Variants in ZNHIT6 observed in about 807,000 individuals in gnomAD.
ZNHIT6 encodes box C/D snoRNA protein 1.
ZNHIT6 carries 45 observed loss-of-function variants against 57.2 expected under a neutral mutation model. That is an observed-to-expected ratio of 0.79 (90% CI 0.62 to 1.01). ZNHIT6 has a LOEUF of 1.01. Ranked by LOEUF, ZNHIT6 falls within the 50% of genes least tolerant of loss-of-function variation. The pLI is 0.00. For synonymous variants in ZNHIT6, 188 were observed against 190.0 expected, an observed-to-expected ratio of 0.99 and a Z score of 0.09; for missense variants, 528 against 567.3, an observed-to-expected ratio of 0.93 and a Z score of 0.70.
intron 7 of ZNHIT6, 128 bp downstream of exon 7, chr1:85,678,573 A>G (rs1661772098): frequency 1.6e-6 from 1 of 636,282 alleles, no homozygotes; most frequent in Non-Finnish European, 2.7e-6. Context: ...GACCTTCAGT[A>G]AACACCAAGA....
chr1:85,657,785 C>T (rs942183466), intron 9 of ZNHIT6, 62 bp downstream of exon 9: 4 of 1,477,618 alleles, frequency 2.7e-6, no homozygotes, highest in Non-Finnish European at 3.7e-6. Flanking sequence ...TAAGGGTGGA[C>T]ATATTTTGCT....
chr1:85,681,301 C>CA (rs1185544454), intron 5 of ZNHIT6, among the ~76,000 whole-genome samples: 3 of 152,180 alleles, frequency 2.0e-5, no homozygotes, highest in African/African-American at 7.2e-5. Context: ...ACTTCTGAGG[C>CA]ATGAGTACGT....
intron 8 of ZNHIT6, among the ~76,000 whole-genome samples, chr1:85,666,134 T>G (rs930864575): frequency 6.6e-6 from 1 of 152,150 alleles, no homozygotes; most frequent in African/African-American, 2.4e-5. Flanking sequence ...AGGAATTTAC[T>G]AGAGGTGAAA....
In ZNHIT6 at chr1:85,653,382, TC is replaced by T. The variant is rs1377731498; in HGVS notation, c.*675del. ...GCTAGACGGTGCGTTGTACAGCCTT[TC>T]CGTTTAGTGAGGTTCTACTAAAGGG... is the stretch of plus-strand genomic sequence containing the variant. On this transcript the variant is annotated 3_prime_UTR_variant, in exon 10 of 10. Transcript: ENST00000370574. 1 of 152,182 alleles carries T rather than the reference TC, an allele frequency of 6.6e-6. No individual in the cohort carries two copies. Among genetic ancestry groups the T allele is most frequent in the African/African-American group, 2.4e-5 (1 of 41,450 alleles). 9.4% of individuals were successfully genotyped at this position (152,182 alleles called of 1,614,324 possible). A position where few individuals can be genotyped will look rare whatever the true frequency, so the allele number is the denominator to read the frequency against.
chr1:85,656,225 G>A (rs576049679), intron 9 of ZNHIT6, among the ~76,000 whole-genome samples: 1 of 152,258 alleles, frequency 6.6e-6, no homozygotes, highest in South Asian at 2.1e-4. Flanking sequence ...GTGTACTTAC[G>A]ATGTGACAAA....
chr1:85,657,660 C>T (rs189434734), intron 9 of ZNHIT6, among the ~76,000 whole-genome samples, 187 bp downstream of exon 9: 12 of 152,136 alleles, frequency 7.9e-5, no homozygotes, highest in East Asian at 7.7e-4. Context: ...TAAGATTATA[C>T]GCTCTTAGAA....
rs139368369 is a variant in ZNHIT6, at chr1:85,657,847, C to A, written c.1372G>T (p.Val458Leu). 2.5e-5 allele frequency: 40 copies of A among 1,605,016 alleles called. No individual in the cohort carries two copies. Among genetic ancestry groups the A allele is most frequent in the Non-Finnish European group, 3.1e-5 (37 of 1,177,090 alleles). Residue 458 changes from valine to leucine, a missense_variant and splice_region_variant, in exon 9 of 10, where the codon GTG (valine) becomes TTG (leucine). Val to Leu is a conservative substitution (Grantham distance 32). Coordinates refer to ENST00000370574, the MANE Select transcript of ZNHIT6 (RefSeq NM_017953.4). ...ATTACAGAAACAAATTTACACTTAC[C>A]TTGGTGAAGAACTTTCATGTCATTA... ...SNNDMKVLHQVKSESTKNVGN... is the reference protein window; with the variant it reads ...SNNDMKVLHQLKSESTKNVGN...
In ZNHIT6 at chr1:85,706,526, A is replaced by G; in HGVS notation, c.657-19T>C. The stretch of plus-strand genomic sequence containing the variant: ...CTCACACCTACAAAAGCCCACATGT[A>G]ACATTAAATTATCAAATATTAATTG... On this transcript the variant is annotated intron_variant, in intron 1 of 9. Transcript: ENST00000370574. 5 of 1,526,362 alleles carry G rather than the reference A, an allele frequency of 3.3e-6. No homozygotes were observed. The highest frequency in any genetic ancestry group is 4.4e-6 in the Non-Finnish European group (5 of 1,143,382). 94.6% of individuals were successfully genotyped at this position (1,526,362 alleles called of 1,614,324 possible). A position where few individuals can be genotyped will look rare whatever the true frequency, so the allele number is the denominator to read the frequency against.
intron 9 of ZNHIT6, 88 bp from the exon 10 acceptor site, chr1:85,654,186 T>C: frequency 8.6e-7 from 1 of 1,164,226 alleles, no homozygotes; most frequent in Non-Finnish European, 1.2e-6. Flanking sequence ...CCTTCTGATG[T>C]ACAGCAAAAG....
Position 85,708,081 on chromosome 1 carries a change from T to C in ZNHIT6, c.204A>G (p.Pro68=). 1 of 1,614,164 alleles carries C rather than the reference T, an allele frequency of 6.2e-7. No individual in the cohort carries two copies. The highest frequency in any genetic ancestry group is 8.5e-7 in the Non-Finnish European group (1 of 1,180,032). Residue 68 remains proline, a synonymous_variant, in exon 1 of 10, where the codon CCA becomes CCG. Transcript: ENST00000370574. ...GDGEEGSGQR[P]EEIPMDLTVV... Reference sequence around the variant, plus strand: ...CCGTTAGGTCCATCGGTATTTCCTCTGGCCTTTGTCCACTTCCTTCCTCTC... The same window carrying C: ...CCGTTAGGTCCATCGGTATTTCCTCCGGCCTTTGTCCACTTCCTTCCTCTC...
In ZNHIT6 at chr1:85,707,711, C is replaced by A. The variant is rs767801732; in HGVS notation, c.574G>T (p.Glu192Ter). The change falls in exon 1 of 10, where the codon GAA (glutamate) becomes TAA (stop). Residue 192 changes from glutamate to a stop codon, truncating the protein, a stop_gained. Transcript: ENST00000370574. LOFTEE classifies it high-confidence loss of function. The part of the protein sequence containing the change: ...VKEEKDFLKK[E>*]IVDDTKVKEE... ...TTCACCTTTGTATCATCCACGATTT[C>A]TTTCTTCAGGAAATCCTTCTCTTCT... is the stretch of plus-strand genomic sequence containing the variant. The A allele has an allele frequency of 1.9e-6, 3 of 1,610,874 alleles. No homozygotes were observed. Among genetic ancestry groups the A allele is most frequent in the Non-Finnish European group, 2.5e-6 (3 of 1,178,850 alleles).
At chr1:85,704,544 A>G (rs1033606606) in intron 4 of ZNHIT6, among the ~76,000 whole-genome samples, 7 of 152,184 alleles carry the variant, frequency 4.6e-5, no homozygotes, top group Non-Finnish European at 1.0e-4. Context: ...TTCATTTTAT[A>G]ATTATTCATT....
rs1457264017 is a variant in ZNHIT6 at position 85,677,284 on chromosome 1, CCA to C, written c.1197_1198del (p.Val401SerfsTer7). On this transcript the variant is annotated frameshift_variant, in exon 8 of 10. Transcript: ENST00000370574. LOFTEE classifies it high-confidence loss of function. Reference sequence around the variant, plus strand: ...TTCAATCTTCATTAAAATCTGAACCCCAGTCTGAGAGCGAATGTAGGCTTTCA... The same window carrying C: ...TTCAATCTTCATTAAAATCTGAACCCGTCTGAGAGCGAATGTAGGCTTTCA... The C allele has an allele frequency of 1.9e-6, 3 of 1,608,250 alleles. No individual in the cohort carries two copies. Among genetic ancestry groups the C allele is most frequent in the Non-Finnish European group, 2.5e-6 (3 of 1,178,282 alleles).
chr1:85,691,271 A>T (rs1662211302), intron 5 of ZNHIT6, among the ~76,000 whole-genome samples: 1 of 152,258 alleles, frequency 6.6e-6, no homozygotes, highest in Non-Finnish European at 1.5e-5. Context: ...AGAAATATTA[A>T]CTATATTGTG....
At chr1:85,665,255 A>G (rs1661338139) in intron 8 of ZNHIT6, among the ~76,000 whole-genome samples, 1 of 152,048 alleles carries the variant, frequency 6.6e-6, no homozygotes, top group Non-Finnish European at 1.5e-5. Context: ...ATTGACAAAT[A>G]GGAATTATAT....
At chr1:85,681,748 TTC>T (rs1570310755) in intron 5 of ZNHIT6, among the ~76,000 whole-genome samples, 1 of 152,184 alleles carries the variant, frequency 6.6e-6, no homozygotes, top group Non-Finnish European at 1.5e-5. Flanking sequence ...TTAGTAGAAT[TTC>T]TGTCAGAAGA....
chr1:85,689,223 A>G (rs184239531), intron 5 of ZNHIT6, among the ~76,000 whole-genome samples: 51 of 152,312 alleles, frequency 3.3e-4, no homozygotes, highest in Non-Finnish European at 5.6e-4. Context: ...GAACTCTTCA[A>G]GAAAAATACA....
intron 8 of ZNHIT6, among the ~76,000 whole-genome samples, chr1:85,676,448 A>G (rs1312496167): frequency 6.6e-6 from 1 of 152,150 alleles, no homozygotes; most frequent in East Asian, 1.9e-4. Context: ...CGACTTGACT[A>G]ACTAGCAGGA....
intron 6 of ZNHIT6, 113 bp from the exon 7 acceptor site, chr1:85,678,894 A>G (rs1661783481): frequency 3.6e-6 from 2 of 554,566 alleles, no homozygotes; most frequent in Admixed American, 8.2e-5. Context: ...TAACTGAACA[A>G]AGACCTTTTA....
Sources: allele counts gnomAD v4.1 joint callset (sites outside exome capture counted in the v4.1 genomes callset), GRCh38; gene constraint gnomAD v4.1.1; transcripts MANE v1.5; gene names NCBI Gene and HGNC (gene_info 2026-07-23, HGNC 2026-07-21).